The following CELF2 variants were observed in gnomAD, a reference collection of about 807,000 sequenced individuals.
CELF2 encodes CUGBP Elav-like family member 2, also known as CUG triplet repeat RNA-binding protein 2.
CELF2 carries 8 observed loss-of-function variants against 62.6 expected under a neutral mutation model. The observed-to-expected ratio is 0.13, with a 90% CI of 0.07 to 0.23. CELF2 has a LOEUF of 0.23. CELF2 is among the 10% of genes least tolerant of loss of function. The pLI, the probability that CELF2 is intolerant of heterozygous loss-of-function variation, is 1.00. For synonymous variants in CELF2, 258 were observed against 250.0 expected, an observed-to-expected ratio of 1.03 and a Z score of -0.30; for missense variants, 333 against 671.0, an observed-to-expected ratio of 0.50 and a Z score of 5.56.
chr10:10,766,594 G>C, the CELF2 span, among the ~76,000 whole-genome samples: 1 of 152,194 alleles, frequency 6.6e-6, no homozygotes, highest in African/African-American at 2.4e-5. Flanking sequence ...TGGAGGTTAG[G>C]TACTCAGCAG....
intron 1 of CELF2, among the ~76,000 whole-genome samples, chr10:10,867,747 T>C (rs1175875914): frequency 1.3e-5 from 2 of 152,238 alleles, no homozygotes; most frequent in African/African-American, 4.8e-5. Flanking sequence ...GTTCTTTGTC[T>C]TCTCCTGACC....
the CELF2 span, among the ~76,000 whole-genome samples, chr10:10,616,295 G>GGGGTGTGTGT: frequency 9.0e-5 from 13 of 143,958 alleles, no homozygotes; most frequent in South Asian, 9.0e-4. Context: ...TTTTGTTTGG[G>GGGGTGTGTGT]GTGTGTGTGT....
chr10:10,911,506 C>A (rs1027229825), intron 1 of CELF2, among the ~76,000 whole-genome samples: 1 of 152,206 alleles, frequency 6.6e-6, no homozygotes, highest in African/African-American at 2.4e-5. Flanking sequence ...CTGACGGCTC[C>A]GACTGCAGGC....
At chr10:10,798,978 AG>A (rs2054355720) in intron 1 of CELF2, among the ~76,000 whole-genome samples, 1 of 152,158 alleles carries the variant, frequency 6.6e-6, no homozygotes, top group African/African-American at 2.4e-5. Context: ...TCGGAGGCAG[AG>A]GTGTAAGGAG....
At chr10:11,253,434 A>G (rs944515245) in intron 4 of CELF2, among the ~76,000 whole-genome samples, 5 of 152,200 alleles carry the variant, frequency 3.3e-5, no homozygotes, top group South Asian at 4.1e-4. Context: ...AAAAATAGGA[A>G]TCATGGGGTG....
At chr10:11,044,184 C>T (rs937447316) in intron 1 of CELF2, among the ~76,000 whole-genome samples, 2 of 152,198 alleles carry the variant, frequency 1.3e-5, no homozygotes, top group South Asian at 2.1e-4. Context: ...TCCCCTTCAT[C>T]GCATTTTTTA....
At chr10:11,236,737 C>T (rs2071460496) in intron 3 of CELF2, among the ~76,000 whole-genome samples, 2 of 152,198 alleles carry the variant, frequency 1.3e-5, no homozygotes, top group South Asian at 4.1e-4. Flanking sequence ...ATTACCCAAC[C>T]TAACTTGAAG....
intron 1 of CELF2, among the ~76,000 whole-genome samples, chr10:11,087,010 C>T (rs904117825): frequency 3.9e-5 from 6 of 152,162 alleles, no homozygotes; most frequent in South Asian, 2.1e-4. Flanking sequence ...CACTGTGAGG[C>T]GGGTTTGAGA....
chr10:11,219,922 C>A (rs1565377795), intron 3 of CELF2, among the ~76,000 whole-genome samples: 1 of 152,190 alleles, frequency 6.6e-6, no homozygotes. Flanking sequence ...TTAACAGAGA[C>A]CCTGCTGTGC....
Position 10,995,014 on chromosome 10 carries a change from C to T in CELF2, c.89+75015C>T, listed in dbSNP as rs369893766. On this transcript the variant is annotated intron_variant, in intron 2 of 13. Coordinates refer to the CELF2 transcript ENST00000636488. This position sits in a 1 kb window ranked among gnomAD's most constrained non-coding sequence, Gnocchi z 4.7. ...AAAAGTCTCCCTGGTGATTCCAGCG[C>T]GCTCTTATCACCTGCCCTTCCTTGG... 6.6e-5 allele frequency among the ~76,000 whole-genome samples: 10 copies of T among 152,320 alleles called. No individual in the cohort carries two copies. The South Asian group carries it at 8.3e-4, about 13-fold the overall frequency.
At chr10:10,862,500 T>C (rs908436997) in intron 1 of CELF2, among the ~76,000 whole-genome samples, 1 of 152,242 alleles carries the variant, frequency 6.6e-6, no homozygotes, top group Non-Finnish European at 1.5e-5. Context: ...GGTACCTGAT[T>C]GGTTCACCCC....
chr10:10,501,639 AT>A, the CELF2 span, among the ~76,000 whole-genome samples: 1 of 152,130 alleles, frequency 6.6e-6, no homozygotes, highest in Non-Finnish European at 1.5e-5. Flanking sequence ...TTATATATTT[AT>A]CTTGTATCCT....
At chr10:11,187,773 A>G (rs1007932206) in intron 2 of CELF2, among the ~76,000 whole-genome samples, 1 of 136,956 alleles carries the variant, frequency 7.3e-6, no homozygotes, top group Non-Finnish European at 1.5e-5. Context: ...CCCTTCGCAG[A>G]CTTTATGCTG....
At position 11,177,238 on chromosome 10, in the gene CELF2, G is replaced by A. The variant is rs747776853; in HGVS notation, c.271+11556G>A. Among the ~76,000 whole-genome samples the A allele has an allele frequency of 3.3e-5, 5 of 152,112 alleles. No homozygotes were observed. Among genetic ancestry groups the A allele is most frequent in the Admixed American group, 6.5e-5 (1 of 15,276 alleles). On this transcript the variant is annotated intron_variant, in intron 2 of 12. Coordinates refer to ENST00000633077, the MANE Select transcript of CELF2 (RefSeq NM_001326342.2). This position sits in a 1 kb window ranked among gnomAD's most constrained non-coding sequence, Gnocchi z 4.8. The stretch of plus-strand genomic sequence containing the variant: ...CCTACACAGAATGTTTAGTAGGGAG[G>A]TATTAAAATTAATAGCAATTCTGAG...
At chr10:10,478,290 T>G in the CELF2 span, among the ~76,000 whole-genome samples, 2 of 152,188 alleles carry the variant, frequency 1.3e-5, no homozygotes, top group Non-Finnish European at 2.9e-5. Context: ...ATGAAAAGCT[T>G]TATTTATTTG....
At chr10:10,740,735 A>G in the CELF2 span, among the ~76,000 whole-genome samples, 6 of 152,248 alleles carry the variant, frequency 3.9e-5, no homozygotes, top group African/African-American at 1.4e-4. Flanking sequence ...TACACACTCA[A>G]TGGAGTATTA....
chr10:11,024,174 A>G (rs895430633), intron 1 of CELF2, among the ~76,000 whole-genome samples: 2 of 152,212 alleles, frequency 1.3e-5, no homozygotes, highest in Admixed American at 1.3e-4. Context: ...TTCTGAAGAG[A>G]TCTTCATTTA....
intron 1 of CELF2, among the ~76,000 whole-genome samples, chr10:10,894,245 A>T (rs1259038342): frequency 6.6e-6 from 1 of 152,164 alleles, no homozygotes; most frequent in Non-Finnish European, 1.5e-5. Context: ...TATAATATGA[A>T]CTTTAAAATG....
the CELF2 span, among the ~76,000 whole-genome samples, chr10:10,631,675 C>T: frequency 6.6e-6 from 1 of 152,296 alleles, no homozygotes; most frequent in South Asian, 2.1e-4. Context: ...TGGACGTTTT[C>T]TTCTTTGGAA....
Sources: allele counts gnomAD v4.1 joint callset (sites outside exome capture counted in the v4.1 genomes callset), GRCh38; gene constraint gnomAD v4.1.1; non-coding constraint Gnocchi (gnomAD v3.1); transcripts MANE v1.5; gene names NCBI Gene and HGNC (gene_info 2026-07-23, HGNC 2026-07-21).